The following WDR18 variants were observed in gnomAD, a reference collection of about 807,000 sequenced individuals.
WDR18 encodes WD repeat-containing protein 18.
In WDR18, 33 loss-of-function variants were observed where a neutral mutation model predicts 49.6. The observed-to-expected ratio is 0.67, with a 90% CI of 0.50 to 0.89. The LOEUF is 0.89. WDR18 is among the 40% of genes least tolerant of loss of function. The pLI is 0.00. For synonymous variants in WDR18, 315 were observed against 263.6 expected (o/e 1.19, Z -1.89); for missense variants, 653 against 593.6 (o/e 1.10, Z -1.04).
At chr19:983,991 C>A (rs2038445831), upstream of WDR18, among the ~76,000 whole-genome samples, 1 of 152,132 alleles carries the variant, frequency 6.6e-6, no homozygotes, top group African/African-American at 2.4e-5. Flanking sequence ...CCTGTGACGT[C>A]GGAACTTTAT....
At chr19:985,183 T>C (rs1412869123) in intron 1 of WDR18, among the ~76,000 whole-genome samples, 1 of 152,174 alleles carries the variant, frequency 6.6e-6, no homozygotes, top group Admixed American at 6.5e-5. Context: ...ATTTTAGTTT[T>C]GAGACAGGGT....
chr19:994,077 A>G lies in WDR18; in HGVS notation c.1156A>G (p.Thr386Ala), dbSNP rs1391897750. 6.4e-7 allele frequency: 1 copy of G among 1,558,454 alleles called. No homozygotes were observed. Among genetic ancestry groups the G allele is most frequent in the Non-Finnish European group, 8.7e-7 (1 of 1,152,758 alleles). ...TEQLQAVLCS[T>A]MEKSVLGGQD... ...GCAGCTGCAGGCCGTCCTGTGCAGC[A>G]CCATGGAGAAGGTGGGCGGGGCCTC... Residue 386 changes from threonine (T) to alanine (A), a missense_variant, in exon 9 of 10, where the codon ACC becomes GCC. Coordinates refer to ENST00000585809, the MANE Select transcript of WDR18 (RefSeq NM_024100.4).
intron 2 of WDR18, among the ~76,000 whole-genome samples, chr19:987,829 G>GTTTTTTTTTTTTTTTTTTTTTTT (rs71174337): frequency 7.6e-5 from 7 of 91,802 alleles, no homozygotes; most frequent in African/African-American, 2.6e-4. Context: ...GCCGCCTCCA[G>GTTTTTTTTTTTTTTTTTTTTTTT]TTTTTTTTTT....
rs765976927 is a variant in WDR18 at position 985,980 on chromosome 19, G to C, written c.321+5G>C. On this transcript the variant is annotated splice_donor_5th_base_variant and intron_variant, in intron 2 of 9. Coordinates refer to ENST00000585809, the MANE Select transcript of WDR18 (RefSeq NM_024100.4). The stretch of plus-strand genomic sequence containing the variant: ...GAAAGCATCCACCTGTGGGAGGTAA[G>C]AGGAGCAAAGCGTGAGCGTTTCCCA... 6.2e-7 allele frequency: 1 copy of C among 1,613,096 alleles called. No individual in the cohort carries two copies. The highest frequency in any genetic ancestry group is 1.1e-5 in the South Asian group (1 of 91,086).
intron 5 of WDR18, 35 bp downstream of exon 5, chr19:991,030 T>TGGGGCTGAGGGCATC: frequency 2.5e-6 from 4 of 1,599,608 alleles, no homozygotes; most frequent in Non-Finnish European, 3.4e-6. Flanking sequence ...CACCCTGCCC[T>TGGGGCTGAGGGCATC]GGGGCTGAGG....
At position 994,418 on chromosome 19, in the gene WDR18, G is replaced by A. The variant is rs530616804; in HGVS notation, c.*74G>A. On this transcript the variant is annotated 3_prime_UTR_variant, in exon 10 of 10. Coordinates refer to ENST00000585809, the MANE Select transcript of WDR18 (RefSeq NM_024100.4). The stretch of plus-strand genomic sequence containing the variant: ...CCAGCAACCAGGGCCCGCGGGTGTG[G>A]CCCCCACCAGCCCAGGCCTGGACTC... The A allele has an allele frequency of 2.6e-6, 4 of 1,524,564 alleles. No homozygotes were observed. In the South Asian group the frequency reaches 3.6e-5, roughly 14 times the overall value. The allele number at this position is 1,524,564 out of a possible 1,614,324, so 94.4% of individuals were successfully genotyped here. A position where few individuals can be genotyped will look rare whatever the true frequency, so the allele number is the denominator to read the frequency against.
At position 994,349 on chromosome 19, in the gene WDR18, C is replaced by T. The variant is rs200438163; in HGVS notation, c.*5C>T. The T allele has an allele frequency of 6.4e-5, 103 of 1,606,088 alleles. No individual in the cohort carries two copies. In the East Asian group the frequency reaches 1.2e-3, roughly 19 times the overall value. On this transcript the variant is annotated 3_prime_UTR_variant, in exon 10 of 10. Coordinates refer to ENST00000585809, the MANE Select transcript of WDR18 (RefSeq NM_024100.4). ...ATCACGCGGCCGGCCAAGTGAGGCC[C>T]GGAGACCCCGGCCCGAGGCGCCCAG... is the stretch of plus-strand genomic sequence containing the variant.
intron 2 of WDR18, among the ~76,000 whole-genome samples, chr19:989,523 C>A (rs2038516679): frequency 6.6e-6 from 1 of 152,194 alleles, no homozygotes; most frequent in Non-Finnish European, 1.5e-5. Context: ...CCTGGGCCAT[C>A]ATGCAGGTGG....
chr19:983,273 GATAT>G (rs2038436823), upstream of WDR18, among the ~76,000 whole-genome samples: 1 of 152,030 alleles, frequency 6.6e-6, no homozygotes, highest in Non-Finnish European at 1.5e-5. Flanking sequence ...ATCTCTACTA[GATAT>G]ATATTTAGTA....
Position 992,105 on chromosome 19 carries a change from TG to T in WDR18, c.1085del (p.Gly362AlafsTer41). On this transcript the variant is annotated frameshift_variant, in exon 8 of 10. Coordinates refer to ENST00000585809, the MANE Select transcript of WDR18 (RefSeq NM_024100.4). LOFTEE classifies it high-confidence loss of function. ...EPRHGGLTLRLGLHQQGSEPS... is the reference protein window; with the variant it reads ...EPRHGGLTLRXGLHQQGSEPS... ...CGCCACGGGGGCCTCACTCTGCGCCTGGGCCTCCACCAGCAGGTACGGCCCC... is the reference window on the plus strand; with the variant it reads ...CGCCACGGGGGCCTCACTCTGCGCCTGGCCTCCACCAGCAGGTACGGCCCC... 6.7e-7 allele frequency: 1 copy of T among 1,499,924 alleles called. No individual in the cohort carries two copies. Among genetic ancestry groups the T allele is most frequent in the Non-Finnish European group, 8.9e-7 (1 of 1,129,366 alleles). 92.9% of individuals were successfully genotyped at this position (1,499,924 alleles called of 1,614,324 possible).
rs2301811 is a variant in WDR18 at position 984,578 on chromosome 19, T to G, written c.210+15T>G. 0.51 allele frequency: 742,015 copies of G among 1,447,030 alleles called. 191,967 individuals are homozygous for G. The highest frequency in any genetic ancestry group is 0.53 in the Non-Finnish European group (585,476 of 1,099,530). The allele number at this position is 1,447,030 out of a possible 1,614,324, so 89.6% of individuals were successfully genotyped here. A position where few individuals can be genotyped will look rare whatever the true frequency, so the allele number is the denominator to read the frequency against. ...TCCAGCGGAAGGTGCGGCGGTGCGG[T>G]CTCGCTGCTGGGGTCATGGGGCGCC... On this transcript the variant is annotated intron_variant, in intron 1 of 9. Coordinates refer to ENST00000585809, the MANE Select transcript of WDR18 (RefSeq NM_024100.4).
chr19:992,263 G>C, intron 8 of WDR18, 142 bp downstream of exon 8: 1 of 1,077,350 alleles, frequency 9.3e-7, no homozygotes, highest in South Asian at 2.0e-5. Flanking sequence ...CCTGTGAGTG[G>C]GATGGTGATG....
At chr19:984,724 G>C (rs1345799869) in intron 1 of WDR18, among the ~76,000 whole-genome samples, 161 bp downstream of exon 1, 4 of 152,024 alleles carry the variant, frequency 2.6e-5, no homozygotes, top group Non-Finnish European at 5.9e-5. Flanking sequence ...TGGGGGCTTT[G>C]GGGAGATACG....
chr19:984,656 G>A (rs2038456232), intron 1 of WDR18, 93 bp downstream of exon 1: 9 of 1,274,532 alleles, frequency 7.1e-6, no homozygotes, highest in Non-Finnish European at 9.2e-6. Flanking sequence ...CCCTTAGTCG[G>A]AATTGGCGTG....
intron 1 of WDR18, among the ~76,000 whole-genome samples, chr19:985,419 C>T (rs977384650): frequency 6.6e-6 from 1 of 152,304 alleles, no homozygotes; most frequent in East Asian, 1.9e-4. Context: ...ATCTGCCCAC[C>T]TCAGCCTCCC....
intron 2 of WDR18, 64 bp downstream of exon 2, chr19:986,039 A>G: frequency 6.6e-7 from 1 of 1,505,426 alleles, no homozygotes; most frequent in East Asian, 2.3e-5. Context: ...CTTTGCCTGC[A>G]GGGCACCAGG....
intron 2 of WDR18, among the ~76,000 whole-genome samples, chr19:988,600 C>T (rs2038500929): frequency 6.6e-6 from 1 of 152,222 alleles, no homozygotes; most frequent in South Asian, 2.1e-4. Flanking sequence ...GCACGACGCA[C>T]AGGGACTTTC....
At position 991,273 on chromosome 19, in the gene WDR18, C is replaced by T; in HGVS notation, c.853C>T (p.Leu285Phe). Residue 285 changes from leucine (L) to phenylalanine (F), a missense_variant, in exon 7 of 10, where the codon CTC becomes TTC. Physicochemically the swap from Leu to Phe is conservative, Grantham distance 22. Transcript: ENST00000585809. ...LSVSTDGSVLLSGSHDETVRL... is the reference protein window; with the variant it reads ...LSVSTDGSVLFSGSHDETVRL... ...AGTGTCCACTGACGGCAGCGTGCTGCTCTCAGGCTCCCACGACGAGACCGT... is the reference window on the plus strand; with the variant it reads ...AGTGTCCACTGACGGCAGCGTGCTGTTCTCAGGCTCCCACGACGAGACCGT... The T allele has an allele frequency of 6.4e-7, 1 of 1,570,752 alleles. No homozygotes were observed.
chr19:985,568 G>T (rs1263948794), intron 1 of WDR18, among the ~76,000 whole-genome samples: 1 of 152,092 alleles, frequency 6.6e-6, no homozygotes, highest in African/African-American at 2.4e-5. Context: ...GGGCTCTTGG[G>T]CCCCAGTGTC....
Sources: gnomAD v4.1 joint callset for allele counts (sites outside exome capture counted in the v4.1 genomes callset) on GRCh38, gnomAD v4.1.1 for gene constraint, MANE v1.5 for transcripts, NCBI Gene and HGNC (gene_info 2026-07-23, HGNC 2026-07-21) for gene names.